Variants in TANC2 observed in about 807,000 individuals in gnomAD.
TANC2 encodes the protein tetratricopeptide repeat, ankyrin repeat and coiled-coil containing 2, also known as protein TANC2.
A neutral mutation model predicts 210.5 loss-of-function variants in TANC2; 26 were observed. The ratio of observed to expected loss-of-function variants is 0.12; its 90% CI spans 0.09 to 0.17. The LOEUF (loss-of-function observed/expected upper bound fraction) is 0.17, where lower values mean the gene tolerates loss of function less well. TANC2 is among the 10% of genes least tolerant of loss of function. The pLI, the probability that TANC2 is intolerant of heterozygous loss-of-function variation, is 1.00. For missense variants in TANC2, 2,129 were observed against 2,608.9 expected, an observed-to-expected ratio of 0.82 and a Z score of 4.01; for synonymous variants, 931 against 967.1, an observed-to-expected ratio of 0.96 and a Z score of 0.69.
intron 4 of TANC2, among the ~76,000 whole-genome samples, chr17:63,136,052 A>C (rs1350807362): frequency 3.3e-5 from 5 of 152,190 alleles, no homozygotes; most frequent in Non-Finnish European, 7.4e-5. Flanking sequence ...TGCTGTAAAG[A>C]GATGTCATTT....
chr17:63,167,559 A>G (rs778203964), intron 5 of TANC2, among the ~76,000 whole-genome samples: 13 of 152,150 alleles, frequency 8.5e-5, no homozygotes, highest in Non-Finnish European at 1.5e-4. Flanking sequence ...AAAACTGATG[A>G]AATGTATTAA....
chr17:63,344,462 AT>A (rs900147851), intron 12 of TANC2, among the ~76,000 whole-genome samples: 49 of 152,322 alleles, frequency 3.2e-4, no homozygotes, highest in African/African-American at 1.1e-3. Context: ...CTCACCACTT[AT>A]ATTCATCATT....
chr17:63,002,800 T>C (rs2033446617), intron 1 of TANC2, among the ~76,000 whole-genome samples: 1 of 152,238 alleles, frequency 6.6e-6, no homozygotes, highest in African/African-American at 2.4e-5. Context: ...GATTTATCTG[T>C]GTTGACTGTA....
At chr17:63,231,589 G>A (rs773009715) in intron 7 of TANC2, among the ~76,000 whole-genome samples, 3 of 152,086 alleles carry the variant, frequency 2.0e-5, no homozygotes, top group South Asian at 2.1e-4. Flanking sequence ...TATTGGTCCC[G>A]AATCTCTTTT....
intron 4 of TANC2, among the ~76,000 whole-genome samples, chr17:63,108,990 C>T (rs1423299287): frequency 6.6e-6 from 1 of 150,896 alleles, no homozygotes; most frequent in Non-Finnish European, 1.5e-5. Context: ...TTTAAAATAA[C>T]TTTTTAAAAT....
intron 1 of TANC2, among the ~76,000 whole-genome samples, chr17:62,996,545 C>G (rs2033117025): frequency 6.6e-6 from 1 of 151,940 alleles, no homozygotes; most frequent in South Asian, 2.1e-4. Context: ...CTCCCTGAAT[C>G]TGGTGTGATT....
chr17:63,228,988 G>A (rs1339882046), intron 7 of TANC2, among the ~76,000 whole-genome samples: 2 of 152,112 alleles, frequency 1.3e-5, no homozygotes, highest in Non-Finnish European at 2.9e-5. Flanking sequence ...AGTGAGAGAG[G>A]GCATCCTTGT....
At chr17:63,427,021 C>G (rs1305920710) in exon 28 of TANC2, 1 of 152,228 alleles carries the variant, frequency 6.6e-6, no homozygotes, top group African/African-American at 2.4e-5. Flanking sequence ...ATCTCCACTT[C>G]ATTCACAGGT....
At chr17:63,398,129 A>T (rs879338876) in intron 18 of TANC2, among the ~76,000 whole-genome samples, 8 of 152,092 alleles carry the variant, frequency 5.3e-5, no homozygotes, top group Non-Finnish European at 7.4e-5. Flanking sequence ...GAGAGGAAAA[A>T]GGAAGATAAT....
At chr17:63,033,859 G>T (rs2034870031) in intron 2 of TANC2, among the ~76,000 whole-genome samples, 1 of 152,108 alleles carries the variant, frequency 6.6e-6, no homozygotes, top group South Asian at 2.1e-4. Flanking sequence ...CCATCCAGTG[G>T]TAATTGAAGT....
intron 7 of TANC2, among the ~76,000 whole-genome samples, chr17:63,211,199 G>A (rs1322437153): frequency 6.6e-6 from 1 of 152,172 alleles, no homozygotes; most frequent in East Asian, 1.9e-4. Flanking sequence ...TTACCTAAAA[G>A]ATAAAGTGAA....
chr17:63,424,350 C>T (rs2049095574), exon 28 of TANC2: 1 of 152,178 alleles, frequency 6.6e-6, no homozygotes, highest in African/African-American at 2.4e-5. Flanking sequence ...CTGCTGCATG[C>T]CAGTTGTTTT....
At chr17:63,234,267 A>C (rs554528312) in intron 7 of TANC2, among the ~76,000 whole-genome samples, 68 of 152,336 alleles carry the variant, frequency 4.5e-4, no homozygotes, top group Non-Finnish European at 4.3e-4. Flanking sequence ...ACCAATACTG[A>C]ATCCATTCTT....
chr17:63,416,700 A>G (rs970095001), intron 26 of TANC2, among the ~76,000 whole-genome samples: 3 of 152,174 alleles, frequency 2.0e-5, no homozygotes, highest in Non-Finnish European at 2.9e-5. Flanking sequence ...AACCTATCTC[A>G]GAGAACACAG....
intron 15 of TANC2, among the ~76,000 whole-genome samples, chr17:63,380,084 G>A (rs936949688): frequency 5.9e-5 from 9 of 152,154 alleles, no homozygotes; most frequent in African/African-American, 2.2e-4. Context: ...ACCTATAGAT[G>A]TGTGCTCCAT....
intron 6 of TANC2, chr17:63,197,754 T>G (rs2041393144): frequency 6.6e-6 from 1 of 152,230 alleles, no homozygotes; most frequent in Non-Finnish European, 1.5e-5. Flanking sequence ...AGGATCCTTC[T>G]GGAGAACATT....
chr17:62,986,529 G>C (rs80033364), intron 1 of TANC2, among the ~76,000 whole-genome samples: 3,566 of 151,894 alleles, frequency 0.023, 52 homozygotes, highest in South Asian at 0.036. Flanking sequence ...CCACAGGGCT[G>C]TTTCTCAGGC....
intron 4 of TANC2, 46 bp downstream of exon 4, chr17:63,099,403 G>A (rs2037537517): frequency 2.9e-6 from 4 of 1,373,232 alleles, no homozygotes; most frequent in South Asian, 1.5e-5. Context: ...GAAACCTAAC[G>A]ATATGACACT....
chr17:63,205,758 A>G (rs935186883), intron 7 of TANC2, among the ~76,000 whole-genome samples: 28 of 152,036 alleles, frequency 1.8e-4, no homozygotes, highest in Non-Finnish European at 2.6e-4. Context: ...TCTCTACTAA[A>G]GATATAAAAA....
Sources: allele counts gnomAD v4.1 joint callset (sites outside exome capture counted in the v4.1 genomes callset), GRCh38; gene constraint gnomAD v4.1.1; transcripts MANE v1.5; gene names NCBI Gene and HGNC (gene_info 2026-07-23, HGNC 2026-07-21).